TMEM184B: variants seen among roughly 807,000 people sequenced by gnomAD.
The protein encoded by TMEM184B is transmembrane protein 184B, also known as putative MAPK-activating protein FM08.
A neutral mutation model predicts 41.8 loss-of-function variants in TMEM184B; 17 were observed. That is an observed-to-expected ratio of 0.41 (90% CI 0.28 to 0.61). The LOEUF (loss-of-function observed/expected upper bound fraction) is 0.61, where lower values mean the gene tolerates loss of function less well. Among genes scored for constraint, TMEM184B ranks in the 20% least tolerant of loss-of-function variants. The probability of loss-of-function intolerance (pLI) is 0.34; values close to 1 mark genes in which losing one functional copy is unlikely to be tolerated. For missense variants in TMEM184B, 393 were observed against 557.8 expected (o/e 0.70, Z 2.98); for synonymous variants, 240 against 229.5 (o/e 1.05, Z -0.41).
At chr22:38,235,556 C>A (rs946576335) in intron 3 of TMEM184B, among the ~76,000 whole-genome samples, 2 of 152,224 alleles carry the variant, frequency 1.3e-5, no homozygotes, top group African/African-American at 4.8e-5. Context: ...TGGGGCCAGC[C>A]AGTCTGTAAA....
rs747929253 is a variant in TMEM184B at position 38,221,431 on chromosome 22, G to A, written c.*38C>T. On this transcript the variant is annotated 3_prime_UTR_variant, in exon 9 of 9. Transcript: ENST00000361906. ...TGGAGGTGGGGCACAGCCTGACCGT[G>A]GCTATGGCGCCAGCACTTCCGCCAC... is the stretch of plus-strand genomic sequence containing the variant. 6.4e-7 allele frequency: 1 copy of A among 1,560,290 alleles called. No individual in the cohort carries two copies. The highest frequency in any genetic ancestry group is 8.7e-7 in the Non-Finnish European group (1 of 1,153,298).
intron 3 of TMEM184B, among the ~76,000 whole-genome samples, chr22:38,243,611 A>G (rs1046686907): frequency 5.3e-5 from 8 of 152,256 alleles, no homozygotes; most frequent in African/African-American, 1.9e-4. Flanking sequence ...GCTTCCAGAA[A>G]TATCAGACAC....
Position 38,225,092 on chromosome 22 carries a change from C to T in TMEM184B, c.788-113G>A. The T allele has an allele frequency of 8.2e-7, 1 of 1,215,870 alleles. No homozygotes were observed. The highest frequency in any genetic ancestry group is 1.1e-6 in the Non-Finnish European group (1 of 896,206). The allele number at this position is 1,215,870 out of a possible 1,614,324, so 75.3% of individuals were successfully genotyped here. A position where few individuals can be genotyped will look rare whatever the true frequency, so the allele number is the denominator to read the frequency against. Reference sequence around the variant, plus strand: ...TGCCCCAGTGAGGATGTGAGCAGGGCCACAGCTGCTCCTGCAGGGCAGGGG... The same window carrying T: ...TGCCCCAGTGAGGATGTGAGCAGGGTCACAGCTGCTCCTGCAGGGCAGGGG... On this transcript the variant is annotated intron_variant, in intron 7 of 8. Transcript: ENST00000361906. This position sits in a 1 kb window ranked among gnomAD's most constrained non-coding sequence, Gnocchi z 4.4.
At chr22:38,222,791 C>T (rs991234210) in intron 8 of TMEM184B, 8 of 828,322 alleles carry the variant, frequency 9.7e-6, no homozygotes, top group South Asian at 5.5e-5. Context: ...CAGCACGACA[C>T]ACCACACACC....
intron 5 of TMEM184B, among the ~76,000 whole-genome samples, chr22:38,230,297 CGT>C (rs1294679903): frequency 1.3e-5 from 2 of 152,342 alleles, no homozygotes; most frequent in South Asian, 2.1e-4. Context: ...CCTGTTCTGG[CGT>C]GTGTCTTTAA....
chr22:38,246,919 G>A (rs1268974444), intron 2 of TMEM184B: 2 of 1,274,648 alleles, frequency 1.6e-6, no homozygotes, highest in South Asian at 2.5e-5. Context: ...TTCTCCATCT[G>A]CTATGAGCCA....
chr22:38,231,416 G>A (rs2145600072), intron 3 of TMEM184B, 82 bp from the exon 4 acceptor site: 2 of 1,139,968 alleles, frequency 1.8e-6, no homozygotes, highest in Non-Finnish European at 1.3e-6. Flanking sequence ...AGCAATGGAG[G>A]TGAAAGAGCC....
chr22:38,264,379 C>G (rs1023168075), intron 1 of TMEM184B, among the ~76,000 whole-genome samples: 2 of 152,122 alleles, frequency 1.3e-5, no homozygotes, highest in Non-Finnish European at 2.9e-5. Context: ...CCCCAGGCGC[C>G]CATGAAGATG....
rs756668258 is a variant in TMEM184B at position 38,220,333 on chromosome 22, G to A, written c.*1136C>T. On this transcript the variant is annotated 3_prime_UTR_variant, in exon 9 of 9. Transcript: ENST00000361906. ...AGCTGAACTAAGAGCCCCAGGGAGC[G>A]TGTGGGACAGATGGGGAGCCAGGGA... is the stretch of plus-strand genomic sequence containing the variant. 178 of 986,238 alleles carry A rather than the reference G, an allele frequency of 1.8e-4. 1 individual carries two copies. The highest frequency in any genetic ancestry group is 2.0e-4 in the Non-Finnish European group (170 of 830,346). 61.1% of individuals were successfully genotyped at this position (986,238 alleles called of 1,614,324 possible).
intron 3 of TMEM184B, among the ~76,000 whole-genome samples, chr22:38,235,735 G>A (rs1046912334): frequency 1.4e-4 from 21 of 152,208 alleles, no homozygotes; most frequent in Non-Finnish European, 2.5e-4. Flanking sequence ...AAAGTACAGA[G>A]CCATGTGAAA....
chr22:38,242,652 C>CG lies in TMEM184B; in HGVS notation c.358+3282dup, dbSNP rs572204272. 7.8e-4 allele frequency among the ~76,000 whole-genome samples: 118 copies of CG among 152,180 alleles called. 2 individuals carry two copies. The highest frequency in any genetic ancestry group is 2.7e-3 in the African/African-American group (111 of 41,534). On this transcript the variant is annotated intron_variant, in intron 3 of 8. Coordinates refer to ENST00000361906, the MANE Select transcript of TMEM184B (RefSeq NM_012264.5). ...AGGGTGAGAGGGGAAATACAAGGAT[C>CG]GGGGGGGACTGCCCCATCACTGACT...
At chr22:38,264,802 C>T (rs1330556494) in intron 1 of TMEM184B, among the ~76,000 whole-genome samples, 3 of 152,146 alleles carry the variant, frequency 2.0e-5, no homozygotes, top group African/African-American at 7.2e-5. Flanking sequence ...CTGCCCCCGG[C>T]CGAGTAGGAG....
chr22:38,245,981 G>A lies in TMEM184B; in HGVS notation c.312C>T (p.Asn104=), dbSNP rs369681655. The change falls in exon 3 of 9, where the codon AAC becomes AAT. Residue 104 remains asparagine (N), a synonymous_variant. Coordinates refer to ENST00000361906, the MANE Select transcript of TMEM184B (RefSeq NM_012264.5). ...TGCCGAAGTACACGTAGTACTGGTCGTTGGTGAAGAAGAGGAGGCTGAGCC... is the reference window on the plus strand; with the variant it reads ...TGCCGAAGTACACGTAGTACTGGTCATTGGTGAAGAAGAGGAGGCTGAGCC... The part of the protein sequence containing the change: ...DSWLSLLFFT[N]DQYYVYFGTV... 6.5e-5 allele frequency: 105 copies of A among 1,613,546 alleles called. No individual in the cohort carries two copies. Among genetic ancestry groups the A allele is most frequent in the African/African-American group, 2.9e-4 (22 of 74,896 alleles).
intron 1 of TMEM184B, among the ~76,000 whole-genome samples, chr22:38,254,421 G>T (rs543948767): frequency 6.6e-6 from 1 of 152,016 alleles, no homozygotes; most frequent in Admixed American, 6.6e-5. Context: ...CCAACATGGC[G>T]AAACCCTGTC....
chr22:38,240,342 T>A (rs1406688814), intron 3 of TMEM184B, among the ~76,000 whole-genome samples: 1 of 150,698 alleles, frequency 6.6e-6, no homozygotes, highest in Admixed American at 6.6e-5. Context: ...TAAAACATGA[T>A]AAAGGAACTA....
At chr22:38,257,742 C>T (rs536476060) in intron 1 of TMEM184B, among the ~76,000 whole-genome samples, 1 of 152,190 alleles carries the variant, frequency 6.6e-6, no homozygotes, top group Non-Finnish European at 1.5e-5. Flanking sequence ...CTTATTGTAA[C>T]ATACACTTAT....
chr22:38,262,133 G>A (rs943839276), intron 1 of TMEM184B, among the ~76,000 whole-genome samples: 1 of 152,244 alleles, frequency 6.6e-6, no homozygotes, highest in Non-Finnish European at 1.5e-5. Context: ...ACAGTGCTGC[G>A]GGAAGGCAGC....
Position 38,219,715 on chromosome 22 carries a change from T to C in TMEM184B, c.*1754A>G. The C allele has an allele frequency of 1.0e-6, 1 of 985,594 alleles. No individual in the cohort carries two copies. Among genetic ancestry groups the C allele is most frequent in the Non-Finnish European group, 1.2e-6 (1 of 830,050 alleles). The allele number at this position is 985,594 out of a possible 1,614,324, so 61.1% of individuals were successfully genotyped here. A position where few individuals can be genotyped will look rare whatever the true frequency, so the allele number is the denominator to read the frequency against. On this transcript the variant is annotated 3_prime_UTR_variant, in exon 9 of 9. Coordinates refer to ENST00000361906, the MANE Select transcript of TMEM184B (RefSeq NM_012264.5). ...CAAGGGAGTGGGAATCAGCAGCACT[T>C]TGGCCTGGAGGGAGAAGGGAAGCCA...
At chr22:38,235,307 A>C (rs1394394469) in intron 3 of TMEM184B, among the ~76,000 whole-genome samples, 1 of 152,222 alleles carries the variant, frequency 6.6e-6, no homozygotes, top group African/African-American at 2.4e-5. Flanking sequence ...CCAGGCCCAT[A>C]AGCCCTCTCT....
Sources: allele counts gnomAD v4.1 joint callset (sites outside exome capture counted in the v4.1 genomes callset), GRCh38; gene constraint gnomAD v4.1.1; non-coding constraint Gnocchi (gnomAD v3.1); transcripts MANE v1.5; gene names NCBI Gene and HGNC (gene_info 2026-07-23, HGNC 2026-07-21).